CYP2A7: variants seen among roughly 807,000 people sequenced by gnomAD.
The protein encoded by CYP2A7 is cytochrome P450 2A7.
CYP2A7 carries 36 observed loss-of-function variants against 42.0 expected under a neutral mutation model. The ratio of observed to expected loss-of-function variants is 0.86; its 90% CI spans 0.66 to 1.13. The LOEUF is 1.13. Ranked by LOEUF, CYP2A7 falls within the 50% of genes most tolerant of loss-of-function variation. The pLI is 0.00. For synonymous variants in CYP2A7, 260 were observed against 249.5 expected (o/e 1.04, Z -0.40); for missense variants, 661 against 634.1 (o/e 1.04, Z -0.46).
chr19:40,877,770 G>C, intron 6 of CYP2A7, 82 bp downstream of exon 6: 1 of 1,525,410 alleles, frequency 6.6e-7, no homozygotes, highest in Non-Finnish European at 8.8e-7. Flanking sequence ...CCTGGGATCT[G>C]GGACAGGTAG....
At position 40,878,754 on chromosome 19, in the gene CYP2A7, GT is replaced by G; in HGVS notation, c.831+5del. 6.2e-7 allele frequency: 1 copy of G among 1,611,484 alleles called. No individual in the cohort carries two copies. The highest frequency in any genetic ancestry group is 8.5e-7 in the Non-Finnish European group (1 of 1,178,240). ...GCACCTCCCCGCACTGGCTGCTGGG[GT>G]GTACCTCCTGCATGTGGATGAGAAA... On this transcript the variant is annotated splice_donor_5th_base_variant and intron_variant, in intron 5 of 8. Transcript: ENST00000301146.
rs1160978286 is a variant in CYP2A7 at position 40,881,412 on chromosome 19, C to G, written c.343+177G>C. On this transcript the variant is annotated intron_variant, in intron 2 of 8. Transcript: ENST00000301146. ...GCAGGGAGGAATCACGACAGGGACGCTGGAGACAGGTGAGGGATACACATG... is the reference window on the plus strand; with the variant it reads ...GCAGGGAGGAATCACGACAGGGACGGTGGAGACAGGTGAGGGATACACATG... Among the ~76,000 whole-genome samples the G allele has an allele frequency of 2.6e-5, 4 of 151,450 alleles. 1 individual carries two copies. Among genetic ancestry groups the G allele is most frequent in the Non-Finnish European group, 5.9e-5 (4 of 67,752 alleles).
chr19:40,878,855 C>A lies in CYP2A7; in HGVS notation c.736G>T (p.Asp246Tyr), dbSNP rs140403519. The change falls in exon 5 of 9, where the codon GAC (aspartate) becomes TAC (tyrosine). Residue 246 changes from aspartate (D) to tyrosine (Y), a missense_variant. By Grantham distance (160) the Asp-to-Tyr change is radical (BLOSUM62 -3). Around this residue, in one of 3 missense-constraint regions of CYP2A7, gnomAD observed 614 missense variants for 552.4 expected, o/e 1.11. Transcript: ENST00000301146. Reference sequence around the variant, plus strand: ...TGCTCCACCTTCTTGGCTATGAAGTCCTCCAGCCCTTGCAGCAACTTAAAG... The same window carrying A: ...TGCTCCACCTTCTTGGCTATGAAGTACTCCAGCCCTTGCAGCAACTTAAAG... ...QAFKLLQGLE[D>Y]FIAKKVEHNQ... is the part of the protein sequence containing the mutation. 1 of 1,611,692 alleles carries A rather than the reference C, an allele frequency of 6.2e-7. No homozygotes were observed. The highest frequency in any genetic ancestry group is 8.5e-7 in the Non-Finnish European group (1 of 1,178,210).
Position 40,880,542 on chromosome 19 carries a change from C to G in CYP2A7, c.430G>C (p.Gly144Arg). 1.2e-6 allele frequency: 2 copies of G among 1,611,982 alleles called. No individual in the cohort carries two copies. Among genetic ancestry groups the G allele is most frequent in the East Asian group, 4.5e-5 (2 of 44,826 alleles). ...TLRDFGVGKRGIEERIQEESG... is the reference protein window; with the variant it reads ...TLRDFGVGKRRIEERIQEESG... Reference sequence around the variant, plus strand: ...TCCTCCTGGATGCGCTCCTCGATGCCTCGCTTGCCCACCCCGAAGTCCCTC... The same window carrying G: ...TCCTCCTGGATGCGCTCCTCGATGCGTCGCTTGCCCACCCCGAAGTCCCTC... Residue 144 changes from glycine (G) to arginine (R), a missense_variant, in exon 3 of 9, where the codon GGC becomes CGC. Transcript: ENST00000301146.
chr19:40,875,587 T>C lies in CYP2A7; in HGVS notation c.*106A>G, dbSNP rs1341578992. On this transcript the variant is annotated 3_prime_UTR_variant, in exon 9 of 9. Transcript: ENST00000301146. Reference sequence around the variant, plus strand: ...CCTCTAGCCACCACGCCCCTTCCTTTCCCGCATCTTCCCCCCATTCTTATA... The same window carrying C: ...CCTCTAGCCACCACGCCCCTTCCTTCCCCGCATCTTCCCCCCATTCTTATA... The C allele has an allele frequency of 9.6e-6, 15 of 1,567,974 alleles. No individual in the cohort carries two copies. Among genetic ancestry groups the C allele is most frequent in the Admixed American group, 7.1e-5 (4 of 56,348 alleles).
At chr19:40,876,214 A>G in intron 8 of CYP2A7, 1 of 593,984 alleles carries the variant, frequency 1.7e-6, no homozygotes, top group Non-Finnish European at 2.9e-6. Flanking sequence ...TGGGAGGTTT[A>G]GATGTCCTTC....
In CYP2A7 at chr19:40,875,641, C is replaced by A. The variant is rs1967507945; in HGVS notation, c.*52G>T. The A allele has an allele frequency of 6.2e-7, 1 of 1,610,792 alleles. No homozygotes were observed. Among genetic ancestry groups the A allele is most frequent in the Non-Finnish European group, 8.5e-7 (1 of 1,177,892 alleles). ...GCCTCTTCCGCGAACCCCGCCCTGA[C>A]CCCGCCTTTCCCTGGCCCCGCCCAC... On this transcript the variant is annotated 3_prime_UTR_variant, in exon 9 of 9. Coordinates refer to ENST00000301146, the MANE Select transcript of CYP2A7 (RefSeq NM_000764.3).
At chr19:40,880,455 C>G (rs752984180) in intron 3 of CYP2A7, 24 bp downstream of exon 3, 1 of 1,607,106 alleles carries the variant, frequency 6.2e-7, no homozygotes, top group Non-Finnish European at 8.5e-7. Context: ...TCTCCTGCCC[C>G]CGCACTCGGG....
chr19:40,880,374 G>A, intron 3 of CYP2A7, 105 bp downstream of exon 3: 1 of 1,548,152 alleles, frequency 6.5e-7, no homozygotes, highest in Non-Finnish European at 8.8e-7. Context: ...TGGAAGTGCG[G>A]GCGCCTTTCC....
chr19:40,876,852 G>T, intron 7 of CYP2A7, 184 bp from the exon 8 acceptor site: 1 of 842,174 alleles, frequency 1.2e-6, no homozygotes. Flanking sequence ...CAGGAAGTTT[G>T]GGAGACATGG....
chr19:40,877,436 G>A, intron 6 of CYP2A7, 59 bp from the exon 7 acceptor site: 1 of 1,592,832 alleles, frequency 6.3e-7, no homozygotes, highest in Non-Finnish European at 8.6e-7. Flanking sequence ...GGAAATGATA[G>A]TCTGAATAGG....
intron 5 of CYP2A7, among the ~76,000 whole-genome samples, chr19:40,878,477 C>G (rs1466959382): frequency 1.3e-5 from 2 of 151,906 alleles, no homozygotes; most frequent in South Asian, 2.1e-4. Context: ...CCTCTGCCCC[C>G]CTTCGCGCCA....
At chr19:40,881,805 G>T in intron 1 of CYP2A7, 54 bp from the exon 2 acceptor site, 4 of 1,597,022 alleles carry the variant, frequency 2.5e-6, no homozygotes, top group East Asian at 2.2e-5. Flanking sequence ...TCTGAATGGG[G>T]CCCAGCACCG....
At chr19:40,877,601 A>AC (rs1967566491) in intron 6 of CYP2A7, among the ~76,000 whole-genome samples, 1 of 151,404 alleles carries the variant, frequency 6.6e-6, no homozygotes, top group Non-Finnish European at 1.5e-5. Flanking sequence ...TTAGGAGATG[A>AC]CCCGGGGGAA....
chr19:40,880,430 C>G, intron 3 of CYP2A7, 49 bp downstream of exon 3: 1 of 1,597,606 alleles, frequency 6.3e-7, no homozygotes, highest in South Asian at 1.1e-5. Flanking sequence ...GGTTCCTCGT[C>G]CTGGGTGTTT....
rs146328395 is a variant in CYP2A7 at position 40,877,323 on chromosome 19, A to G, written c.1028T>C (p.Phe343Ser). 10 of 1,612,526 alleles carry G rather than the reference A, an allele frequency of 6.2e-6. No individual in the cohort carries two copies. Among genetic ancestry groups the G allele is most frequent in the Middle Eastern group, 1.6e-4 (1 of 6,082 alleles). The change falls in exon 7 of 9, where the codon TTT (phenylalanine) becomes TCT (serine). Residue 343 changes from phenylalanine to serine, a missense_variant. Phe to Ser is a radical substitution (Grantham distance 155). Transcript: ENST00000301146. ...GTAGGGCATCTTGGTCCGGTCCTCA[A>G]ACTTGGGCTGCCGGTTCTTGCCGAT... is the stretch of plus-strand genomic sequence containing the variant. ...RVIGKNRQPK[F>S]EDRTKMPYME...
rs531779575 is a variant in CYP2A7, at chr19:40,880,533, C to T, written c.439G>A (p.Glu147Lys). Residue 147 changes from glutamate (E) to lysine (K), a missense_variant, in exon 3 of 9, where the codon GAG becomes AAG. Glu to Lys is a moderately conservative substitution (Grantham distance 56). This residue lies in a region of CYP2A7 where 614 missense variants were observed against 552.4 expected (regional missense o/e 1.11). Transcript: ENST00000301146. ...DFGVGKRGIE[E>K]RIQEESGFLI... The stretch of plus-strand genomic sequence containing the variant: ...AAGCCCGACTCCTCCTGGATGCGCT[C>T]CTCGATGCCTCGCTTGCCCACCCCG... 8 of 1,611,948 alleles carry T rather than the reference C, an allele frequency of 5.0e-6. No individual in the cohort carries two copies. The Admixed American group carries it at 1.2e-4, about 24-fold the overall frequency.
Position 40,878,684 on chromosome 19 carries a change from G to A in CYP2A7, c.831+76C>T, listed in dbSNP as rs147884612. 6.2e-4 allele frequency: 981 copies of A among 1,575,710 alleles called. 11 individuals are homozygous for A. The African/African-American group carries it at 0.01, about 17-fold the overall frequency. ...GGGCTAATTTGAACGGGTCTGTGTC[G>A]TCTGCCCGCCCCACTCCCAGTCTGA... On this transcript the variant is annotated intron_variant, in intron 5 of 8. Transcript: ENST00000301146.
At chr19:40,880,352 A>G in intron 3 of CYP2A7, 108 bp from the exon 4 acceptor site, 1 of 1,544,880 alleles carries the variant, frequency 6.5e-7, no homozygotes, top group Non-Finnish European at 8.8e-7. Flanking sequence ...TCCCAGCGCC[A>G]GACTCCAGGG....
Sources: gnomAD v4.1 joint callset for allele counts (sites outside exome capture counted in the v4.1 genomes callset) on GRCh38, gnomAD v4.1.1 for gene constraint, gnomAD v4.1.1 regional missense constraint, MANE v1.5 for transcripts, NCBI Gene and HGNC (gene_info 2026-07-23, HGNC 2026-07-21) for gene names.